Variants in GPBP1 observed in about 807,000 individuals in gnomAD.
GPBP1 encodes the protein GC-rich promoter binding protein 1.
Under a neutral mutation model 56.5 loss-of-function variants are expected in GPBP1, and 13 were observed. The observed-to-expected ratio is 0.23, with a 90% confidence interval of 0.15 to 0.37. GPBP1 has a LOEUF of 0.37. GPBP1 is among the 10% of genes least tolerant of loss of function. The pLI is 1.00. For missense variants in GPBP1, 477 were observed against 572.3 expected (o/e 0.83, Z 1.70); for synonymous variants, 204 against 188.9 (o/e 1.08, Z -0.66).
intron 6 of GPBP1, among the ~76,000 whole-genome samples, chr5:57,241,068 T>C (rs575168743): frequency 6.6e-6 from 1 of 152,262 alleles, no homozygotes; most frequent in South Asian, 2.1e-4. Context: ...TCAAATCCAA[T>C]AAATGAAGGA....
intron 2 of GPBP1, among the ~76,000 whole-genome samples, chr5:57,187,920 A>G (rs1004899852): frequency 5.9e-5 from 9 of 151,612 alleles, no homozygotes; most frequent in African/African-American, 1.7e-4. Flanking sequence ...GTATTTGTGT[A>G]TATATAATAT....
intron 5 of GPBP1, among the ~76,000 whole-genome samples, chr5:57,235,592 A>G (rs955886228): frequency 4.6e-5 from 7 of 152,322 alleles, no homozygotes; most frequent in Admixed American, 3.9e-4. Context: ...GATAGTAACT[A>G]GTTTAATGGT....
intron 2 of GPBP1, among the ~76,000 whole-genome samples, chr5:57,186,757 A>T (rs1754304310): frequency 6.6e-6 from 1 of 152,132 alleles, no homozygotes; most frequent in South Asian, 2.1e-4. Flanking sequence ...TTTGTGTGGA[A>T]ACAGAGTCTC....
At chr5:57,210,520 TAGGA>T (rs1755430454) in intron 2 of GPBP1, among the ~76,000 whole-genome samples, 1 of 152,182 alleles carries the variant, frequency 6.6e-6, no homozygotes, top group East Asian at 1.9e-4. Context: ...GAGTTGTTAG[TAGGA>T]CTGTTGATTT....
chr5:57,238,507 G>A lies in GPBP1; in HGVS notation c.478+2475G>A, dbSNP rs1251752979. ...TGGGAGGCAGAGGTTGCGGTGAGCC[G>A]AGGTCGCACCATTGCACTCCAGCCT... On this transcript the variant is annotated intron_variant, in intron 6 of 11. Coordinates refer to ENST00000506184, the MANE Select transcript of GPBP1 (RefSeq NM_022913.4). Among the ~76,000 whole-genome samples the A allele has an allele frequency of 9.2e-5, 14 of 152,174 alleles. No individual in the cohort carries two copies. In the South Asian group the frequency reaches 1.0e-3, roughly 11 times the overall value.
chr5:57,225,918 G>C (rs1209217266), intron 3 of GPBP1, among the ~76,000 whole-genome samples: 1 of 152,286 alleles, frequency 6.6e-6, no homozygotes, highest in African/African-American at 2.4e-5. Context: ...ACCTTGTTTC[G>C]TTATGATTAA....
chr5:57,217,964 A>G (rs1755771236), intron 3 of GPBP1, among the ~76,000 whole-genome samples: 1 of 152,190 alleles, frequency 6.6e-6, no homozygotes, highest in South Asian at 2.1e-4. Context: ...AATTTTTTAT[A>G]GTAATTTATA....
intron 2 of GPBP1, among the ~76,000 whole-genome samples, chr5:57,183,602 C>T (rs967380956): frequency 3.3e-5 from 5 of 152,018 alleles, no homozygotes; most frequent in Non-Finnish European, 7.4e-5. Flanking sequence ...ATGATTGTAT[C>T]ACTGCACTGT....
intron 2 of GPBP1, among the ~76,000 whole-genome samples, chr5:57,190,818 G>A (rs1579983537): frequency 1.4e-5 from 2 of 146,602 alleles, no homozygotes; most frequent in East Asian, 2.1e-4. Flanking sequence ...GCAATCTTCC[G>A]GCCTCAGCCT....
intron 8 of GPBP1, among the ~76,000 whole-genome samples, chr5:57,248,295 CAA>C (rs1741186315): frequency 6.6e-6 from 1 of 151,964 alleles, no homozygotes; most frequent in East Asian, 1.9e-4. Context: ...CTCATTTGAT[CAA>C]GGTTTTGAAA....
At chr5:57,205,400 G>GA (rs1755190056) in intron 2 of GPBP1, among the ~76,000 whole-genome samples, 1 of 152,082 alleles carries the variant, frequency 6.6e-6, no homozygotes, top group Admixed American at 6.6e-5. Flanking sequence ...AACAATTTGA[G>GA]CATCCTTTCT....
intron 1 of GPBP1, among the ~76,000 whole-genome samples, chr5:57,174,545 C>T (rs1464683701): frequency 1.3e-5 from 2 of 152,194 alleles, no homozygotes; most frequent in South Asian, 2.1e-4. Context: ...TTCCCCCGGC[C>T]TCTTGCACAC....
Position 57,249,428 on chromosome 5 carries a change from C to T in GPBP1, c.824C>T (p.Ser275Phe). 1.9e-6 allele frequency: 3 copies of T among 1,603,168 alleles called. No homozygotes were observed. The highest frequency in any genetic ancestry group is 2.6e-6 in the Non-Finnish European group (3 of 1,176,290). ...SVKECNRSNSSSPVDKLNQQP... is the reference protein window; with the variant it reads ...SVKECNRSNSFSPVDKLNQQP... ...TCTTAGTGTAATCGCTCAAATTCCT[C>T]TTCTCCTGTTGACAAACTTAATCAG... Residue 275 changes from serine (S) to phenylalanine (F), a missense_variant, in exon 9 of 12, where the codon TCT becomes TTT. Around this residue, in one of 2 missense-constraint regions of GPBP1, gnomAD observed 414 missense variants for 458.2 expected, o/e 0.90. Coordinates refer to ENST00000506184, the MANE Select transcript of GPBP1 (RefSeq NM_022913.4).
chr5:57,244,727 A>ATTTTTTTTTT (rs532660984), intron 6 of GPBP1, among the ~76,000 whole-genome samples: 3 of 93,166 alleles, frequency 3.2e-5, no homozygotes, highest in Non-Finnish European at 4.0e-5. Flanking sequence ...TTTGTTTGAG[A>ATTTTTTTTTT]TTTTTTTTTT....
chr5:57,258,346 A>G (rs190259899), intron 10 of GPBP1, among the ~76,000 whole-genome samples: 2 of 152,256 alleles, frequency 1.3e-5, no homozygotes, highest in African/African-American at 4.8e-5. Context: ...TACTTACACA[A>G]ACTAGATAGT....
At chr5:57,183,763 G>GA (rs1217960788) in intron 2 of GPBP1, among the ~76,000 whole-genome samples, 1 of 129,514 alleles carries the variant, frequency 7.7e-6, no homozygotes, top group Non-Finnish European at 1.7e-5. Flanking sequence ...GGGGGGATAT[G>GA]AATTTTTTTT....
chr5:57,257,496 T>G (rs577782099), intron 10 of GPBP1, among the ~76,000 whole-genome samples: 15 of 152,376 alleles, frequency 9.8e-5, no homozygotes, highest in Admixed American at 7.8e-4. Context: ...TCAACTTGTT[T>G]AAGCAGACAC....
At chr5:57,218,878 T>C (rs576329589) in intron 3 of GPBP1, among the ~76,000 whole-genome samples, 1 of 152,282 alleles carries the variant, frequency 6.6e-6, no homozygotes, top group East Asian at 1.9e-4. Context: ...AATTCTCCTA[T>C]AGAATATAAT....
At chr5:57,227,595 G>T (rs1756253070) in intron 3 of GPBP1, among the ~76,000 whole-genome samples, 1 of 152,222 alleles carries the variant, frequency 6.6e-6, no homozygotes, top group Non-Finnish European at 1.5e-5. Flanking sequence ...GAGGGACAAA[G>T]ACCAAGCTCT....
Sources: gnomAD v4.1 joint callset for allele counts (sites outside exome capture counted in the v4.1 genomes callset) on GRCh38, gnomAD v4.1.1 for gene constraint, gnomAD v4.1.1 regional missense constraint, MANE v1.5 for transcripts, NCBI Gene and HGNC (gene_info 2026-07-23, HGNC 2026-07-21) for gene names.